ANK2: variants seen among roughly 807,000 people sequenced by gnomAD.
ANK2 encodes ankyrin 2.
Under a neutral mutation model 360.5 loss-of-function variants are expected in ANK2, and 83 were observed. The observed-to-expected ratio is 0.23, with a 90% CI of 0.19 to 0.28. The LOEUF (loss-of-function observed/expected upper bound fraction) is 0.28. Ranked by LOEUF, ANK2 falls within the 10% of genes least tolerant of loss-of-function variation. The pLI is 1.00. For missense variants in ANK2, 4,201 were observed against 4,795.7 expected (o/e 0.88, Z 3.66); for synonymous variants, 1,740 against 1,759.5 (o/e 0.99, Z 0.28).
At chr4:113,361,017 T>C (rs757513537) in intron 39 of ANK2, 120 bp downstream of exon 39, 6 of 840,374 alleles carry the variant, frequency 7.1e-6, no homozygotes, top group African/African-American at 1.7e-5. Flanking sequence ...AAAAGAAGAA[T>C]AAACTAAGAA....
chr4:113,167,674 C>G (rs1034184123), intron 1 of ANK2, among the ~76,000 whole-genome samples: 1 of 152,080 alleles, frequency 6.6e-6, no homozygotes, highest in Non-Finnish European at 1.5e-5. Context: ...ATTATAAATG[C>G]TCATCTTGAT....
At chr4:112,883,367 G>A (rs2077341237) in intron 1 of ANK2, among the ~76,000 whole-genome samples, 1 of 151,982 alleles carries the variant, frequency 6.6e-6, no homozygotes, top group African/African-American at 2.4e-5. Context: ...CCAACCTGCG[G>A]AGTTGCATGT....
At chr4:112,988,482 A>G (rs748133750) in intron 2 of ANK2, among the ~76,000 whole-genome samples, 16 of 152,210 alleles carry the variant, frequency 1.1e-4, no homozygotes, top group Admixed American at 3.3e-4. Context: ...AAATTAATAG[A>G]AAGAAAAAAG....
At chr4:112,770,840 C>T in the ANK2 span, among the ~76,000 whole-genome samples, 4 of 152,138 alleles carry the variant, frequency 2.6e-5, no homozygotes, top group South Asian at 2.1e-4. Context: ...CTTACTTTCC[C>T]GCCCCATAGT....
chr4:113,322,239 GGTATCAGTGATTAAAAAATCA>G (rs376875944), intron 26 of ANK2, among the ~76,000 whole-genome samples: 2,514 of 152,108 alleles, frequency 0.017, 76 homozygotes, highest in African/African-American at 0.057. Flanking sequence ...GAGAACAATA[GGTATCAGTGATTAAAAAATCA>G]GTATCAGTGA....
chr4:113,133,035 G>C (rs1206341391), intron 1 of ANK2, among the ~76,000 whole-genome samples: 1 of 152,172 alleles, frequency 6.6e-6, no homozygotes, highest in Non-Finnish European at 1.5e-5. Flanking sequence ...AGAAGTAAGA[G>C]TTAATTCTCT....
chr4:112,731,322 T>C, the ANK2 span, among the ~76,000 whole-genome samples: 2 of 150,434 alleles, frequency 1.3e-5, no homozygotes, highest in Non-Finnish European at 3.0e-5. Context: ...AAGATAAATA[T>C]GTGAGGTAAT....
intron 2 of ANK2, among the ~76,000 whole-genome samples, chr4:113,192,929 A>ATTTTTT (rs779288633): frequency 0.021 from 3,203 of 151,048 alleles, 54 homozygotes; most frequent in Non-Finnish European, 0.031. Context: ...TTATTTAAAA[A>ATTTTTT]AAAAAAAAAA....
intron 18 of ANK2, 53 bp downstream of exon 18, chr4:113,282,925 G>C: frequency 6.3e-7 from 1 of 1,581,164 alleles, no homozygotes; most frequent in South Asian, 1.1e-5. Context: ...CATGTAAACA[G>C]GAACCAATCG....
Position 113,356,510 on chromosome 4 carries a change from C to G in ANK2, c.7892C>G (p.Ser2631Ter). The change falls in exon 38 of 46, where the codon TCA becomes TGA. Residue 2631 changes from serine to a stop codon, truncating the protein, a stop_gained. Transcript: ENST00000357077. LOFTEE classifies it high-confidence loss of function. Reference sequence around the variant, plus strand: ...TCTTCTGACCCAGATGCTGACTGTTCAGTAGATGTGGATGAACCAAAACAT... The same window carrying G: ...TCTTCTGACCCAGATGCTGACTGTTGAGTAGATGTGGATGAACCAAAACAT... ...SSSSDPDADC[S>*]VDVDEPKHTG... is the part of the protein sequence containing the mutation. 1 of 1,614,138 alleles carries G rather than the reference C, an allele frequency of 6.2e-7. No homozygotes were observed. Among genetic ancestry groups the G allele is most frequent in the Non-Finnish European group, 8.5e-7 (1 of 1,180,006 alleles).
chr4:112,868,528 C>T (rs2071560342), intron 1 of ANK2, among the ~76,000 whole-genome samples: 1 of 152,238 alleles, frequency 6.6e-6, no homozygotes, highest in Non-Finnish European at 1.5e-5. Flanking sequence ...GCCCTCATGG[C>T]CTAATCACCT....
chr4:112,733,957 T>G, the ANK2 span, among the ~76,000 whole-genome samples: 1 of 152,310 alleles, frequency 6.6e-6, no homozygotes, highest in East Asian at 1.9e-4. Context: ...GTATTTTTAG[T>G]AGAGACGGGG....
chr4:113,362,248 A>G (rs2096266150), intron 39 of ANK2, among the ~76,000 whole-genome samples: 2 of 152,018 alleles, frequency 1.3e-5, no homozygotes, highest in Non-Finnish European at 1.5e-5. Context: ...GCATTGGTAT[A>G]TTTTTGTGAG....
chr4:112,712,158 C>T, the ANK2 span, among the ~76,000 whole-genome samples: 1 of 150,096 alleles, frequency 6.7e-6, no homozygotes, highest in African/African-American at 2.4e-5. Context: ...TCTCGGCTCA[C>T]TGAAACCTCT....
the ANK2 span, among the ~76,000 whole-genome samples, chr4:112,714,719 G>C: frequency 6.6e-6 from 1 of 152,252 alleles, no homozygotes; most frequent in Middle Eastern, 3.4e-3. Flanking sequence ...TTGAATATGA[G>C]CAATAAAATG....
chr4:113,366,225 C>T (rs1267593484), intron 41 of ANK2, among the ~76,000 whole-genome samples: 1 of 152,112 alleles, frequency 6.6e-6, no homozygotes, highest in African/African-American at 2.4e-5. Context: ...CTATAATTCA[C>T]TCTAGTCAAT....
At chr4:112,724,320 C>T in the ANK2 span, among the ~76,000 whole-genome samples, 1 of 152,120 alleles carries the variant, frequency 6.6e-6, no homozygotes, top group Non-Finnish European at 1.5e-5. Context: ...CGCCCTCGGC[C>T]TCTCAAAGTG....
the ANK2 span, among the ~76,000 whole-genome samples, chr4:112,771,452 C>T: frequency 1.3e-5 from 2 of 151,874 alleles, no homozygotes; most frequent in Non-Finnish European, 1.5e-5. Flanking sequence ...TGACAGGAAG[C>T]GTTCATAAGG....
At chr4:112,997,573 A>G (rs889550234) in intron 2 of ANK2, among the ~76,000 whole-genome samples, 6 of 152,098 alleles carry the variant, frequency 3.9e-5, no homozygotes, top group African/African-American at 1.4e-4. Flanking sequence ...TCAAACACCT[A>G]AAAAAGACTC....
Sources: gnomAD v4.1 joint callset for allele counts (sites outside exome capture counted in the v4.1 genomes callset) on GRCh38, gnomAD v4.1.1 for gene constraint, MANE v1.5 for transcripts, NCBI Gene and HGNC (gene_info 2026-07-23, HGNC 2026-07-21) for gene names.